The following ARMC8 variants were observed in gnomAD, a reference collection of about 807,000 sequenced individuals.
ARMC8 encodes armadillo repeat containing 8, also known as armadillo repeat-containing protein 8.
In ARMC8, 20 loss-of-function variants were observed where a neutral mutation model predicts 99.3. The observed-to-expected ratio is 0.20, with a 90% CI of 0.14 to 0.29. The LOEUF is 0.29. ARMC8 is among the 10% of genes least tolerant of loss of function. The pLI, the probability that ARMC8 is intolerant of heterozygous loss-of-function variation, is 1.00. For missense variants in ARMC8, 569 were observed against 809.5 expected (o/e 0.70, Z 3.60); for synonymous variants, 263 against 278.3 (o/e 0.95, Z 0.55).
intron 1 of ARMC8, among the ~76,000 whole-genome samples, chr3:138,206,436 T>C (rs2044375149): frequency 6.6e-6 from 1 of 152,230 alleles, no homozygotes. Flanking sequence ...TTGCTCATTC[T>C]GCTCCAGCTA....
intron 6 of ARMC8, among the ~76,000 whole-genome samples, chr3:138,232,227 C>T (rs1266649063): frequency 3.3e-5 from 5 of 151,798 alleles, no homozygotes; most frequent in African/African-American, 4.8e-5. Flanking sequence ...CTGCCTGCCC[C>T]GGCTTCCCAA....
intron 15 of ARMC8, 79 bp downstream of exon 15, chr3:138,267,320 T>C (rs1216255981): frequency 2.0e-5 from 17 of 839,446 alleles, no homozygotes; most frequent in Non-Finnish European, 3.0e-5. Flanking sequence ...GTAGTTGACA[T>C]TGAAATCTGT....
At chr3:138,225,733 G>GA (rs1156952453) in intron 5 of ARMC8, among the ~76,000 whole-genome samples, 1 of 152,130 alleles carries the variant, frequency 6.6e-6, no homozygotes, top group Non-Finnish European at 1.5e-5. Flanking sequence ...CTAACACAAC[G>GA]AATCATATTG....
At chr3:138,201,259 T>A (rs996092494) in intron 1 of ARMC8, among the ~76,000 whole-genome samples, 2 of 48 alleles carry the variant, frequency 0.042, no homozygotes, top group Non-Finnish European at 0.071. Context: ...CATAGCTGTT[T>A]AAATATTTTC....
chr3:138,187,961 C>A (rs2043163880), intron 1 of ARMC8: 4 of 314,984 alleles, frequency 1.3e-5, no homozygotes, highest in Non-Finnish European at 2.4e-5. Context: ...GAACGCTCTG[C>A]CTTGTGAAGC....
rs575859130 is a variant in ARMC8 at position 138,275,015 on chromosome 3, C to T, written c.1725+471C>T. 5.1e-4 allele frequency among the ~76,000 whole-genome samples: 77 copies of T among 152,272 alleles called. No individual in the cohort carries two copies. In the South Asian group the frequency reaches 0.011, roughly 21 times the overall value. On this transcript the variant is annotated intron_variant, in intron 18 of 21. Coordinates refer to ENST00000469044, the MANE Select transcript of ARMC8 (RefSeq NM_001363941.2). Reference sequence around the variant, plus strand: ...ATTCCTCATCCCATAACCCTACTTCCATTAAGTTTCAGGAGGGCAAGTTAA... The same window carrying T: ...ATTCCTCATCCCATAACCCTACTTCTATTAAGTTTCAGGAGGGCAAGTTAA...
intron 1 of ARMC8, among the ~76,000 whole-genome samples, chr3:138,194,322 C>A (rs1351474968): frequency 6.8e-6 from 1 of 146,232 alleles, no homozygotes; most frequent in Non-Finnish European, 1.5e-5. Context: ...GGATTACAGG[C>A]GTAAGCCACT....
intron 7 of ARMC8, 177 bp from the exon 8 acceptor site, chr3:138,237,132 A>C: frequency 3.8e-6 from 2 of 522,356 alleles, no homozygotes; most frequent in Non-Finnish European, 6.6e-6. Flanking sequence ...TAACTTTTAT[A>C]GTTAATTTTA....
chr3:138,230,256 G>T (rs768351529), intron 6 of ARMC8, among the ~76,000 whole-genome samples: 1 of 152,140 alleles, frequency 6.6e-6, no homozygotes, highest in Non-Finnish European at 1.5e-5. Flanking sequence ...CTTAAAATGA[G>T]CTGAATCCAT....
At chr3:138,293,316 C>T (rs1047613606) in intron 21 of ARMC8, among the ~76,000 whole-genome samples, 3 of 152,080 alleles carry the variant, frequency 2.0e-5, no homozygotes, top group Admixed American at 1.3e-4. Context: ...CCGAGGTAAG[C>T]GGATTATGAG....
chr3:138,215,441 C>T (rs1266336481), intron 2 of ARMC8, among the ~76,000 whole-genome samples: 3 of 152,130 alleles, frequency 2.0e-5, no homozygotes, highest in Non-Finnish European at 4.4e-5. Context: ...TGGTCTCGAT[C>T]TCCTGATCTC....
At chr3:138,260,818 T>C (rs755809753) in intron 12 of ARMC8, among the ~76,000 whole-genome samples, 16 of 152,208 alleles carry the variant, frequency 1.1e-4, no homozygotes, top group Middle Eastern at 3.2e-3. Context: ...GCTAATAGTA[T>C]TTCTCAGTTC....
chr3:138,208,943 G>A (rs1274631025), intron 1 of ARMC8, among the ~76,000 whole-genome samples: 1 of 152,162 alleles, frequency 6.6e-6, no homozygotes, highest in Non-Finnish European at 1.5e-5. Context: ...GAGACAGCTT[G>A]GGTGGCCTAC....
intron 1 of ARMC8, among the ~76,000 whole-genome samples, chr3:138,209,283 C>G (rs1467584488): frequency 4.6e-5 from 7 of 152,324 alleles, no homozygotes; most frequent in Middle Eastern, 3.4e-3. Context: ...GTTGGCAAAA[C>G]TTCTAGGGCT....
intron 6 of ARMC8, among the ~76,000 whole-genome samples, chr3:138,232,782 T>A (rs575531098): frequency 1.3e-5 from 2 of 152,328 alleles, no homozygotes; most frequent in South Asian, 4.1e-4. Context: ...ATCTGCTGTA[T>A]AAAATGTCTT....
chr3:138,239,461 AT>A lies in ARMC8; in HGVS notation c.777-5del. 1 of 1,593,562 alleles carries A rather than the reference AT, an allele frequency of 6.3e-7. No homozygotes were observed. The highest frequency in any genetic ancestry group is 1.2e-5 in the South Asian group (1 of 86,226). The stretch of plus-strand genomic sequence containing the variant: ...GCAAAAACTTATTTTCTGCTGTCTT[AT>A]TCCAGTTTAACTTACATGTGTAGAG... On this transcript the variant is annotated splice_polypyrimidine_tract_variant and splice_region_variant and intron_variant, in intron 9 of 21. Transcript: ENST00000469044.
intron 1 of ARMC8, among the ~76,000 whole-genome samples, chr3:138,209,364 C>T (rs2044567807): frequency 1.3e-5 from 2 of 152,152 alleles, no homozygotes; most frequent in Non-Finnish European, 2.9e-5. Context: ...TTCTGTCTTA[C>T]TGTTTATCTT....
At chr3:138,229,097 T>G in intron 6 of ARMC8, 87 bp downstream of exon 6, 1 of 578,944 alleles carries the variant, frequency 1.7e-6, no homozygotes, top group Non-Finnish European at 2.9e-6. Flanking sequence ...CTCCCAGGGG[T>G]AGTCATACAT....
chr3:138,219,279 A>G (rs2045260281), intron 2 of ARMC8, among the ~76,000 whole-genome samples: 1 of 152,218 alleles, frequency 6.6e-6, no homozygotes, highest in Non-Finnish European at 1.5e-5. Context: ...TTTTACAAAA[A>G]TAATGGATAT....
Sources: allele counts gnomAD v4.1 joint callset (sites outside exome capture counted in the v4.1 genomes callset), GRCh38; gene constraint gnomAD v4.1.1; transcripts MANE v1.5; gene names NCBI Gene and HGNC (gene_info 2026-07-23, HGNC 2026-07-21).